The following TEKT3 variants were observed in gnomAD, a reference collection of about 807,000 sequenced individuals.
The protein encoded by TEKT3 is tektin 3.
A neutral mutation model predicts 49.8 loss-of-function variants in TEKT3; 49 were observed. The observed-to-expected ratio is 0.98, with a 90% confidence interval of 0.78 to 1.25. TEKT3 has a LOEUF of 1.25. Among genes scored for constraint, TEKT3 ranks in the 50% most tolerant of loss-of-function variants. TEKT3 has a pLI of 0.00. For missense variants in TEKT3, 595 were observed against 629.5 expected, an observed-to-expected ratio of 0.95 and a Z score of 0.59; for synonymous variants, 225 against 237.2, an observed-to-expected ratio of 0.95 and a Z score of 0.47.
At chr17:15,342,906 C>A (rs1340351642), upstream of TEKT3, among the ~76,000 whole-genome samples, 1 of 152,212 alleles carries the variant, frequency 6.6e-6, no homozygotes, top group Non-Finnish European at 1.5e-5. Context: ...TTTCTACATT[C>A]GGCCTAAGAA....
intron 2 of TEKT3, among the ~76,000 whole-genome samples, chr17:15,335,024 C>CA (rs1410643214): frequency 8.8e-6 from 1 of 114,082 alleles, no homozygotes; most frequent in African/African-American, 4.3e-5. Flanking sequence ...CCTCAGACAA[C>CA]AGGCATCATA....
chr17:15,321,575 C>T (rs116527841), intron 4 of TEKT3, among the ~76,000 whole-genome samples: 3 of 152,268 alleles, frequency 2.0e-5, no homozygotes, highest in Non-Finnish European at 2.9e-5. Flanking sequence ...AAAGCAGAAG[C>T]GTAGGAAGAG....
intron 2 of TEKT3, among the ~76,000 whole-genome samples, chr17:15,333,799 G>T (rs912116192): frequency 6.8e-6 from 1 of 146,478 alleles, no homozygotes; most frequent in Non-Finnish European, 1.5e-5. Flanking sequence ...TCGCTCTGTC[G>T]CCCAGGCTCC....
chr17:15,327,292 C>G (rs949250140), intron 4 of TEKT3, among the ~76,000 whole-genome samples: 1 of 151,700 alleles, frequency 6.6e-6, no homozygotes, highest in Non-Finnish European at 1.5e-5. Flanking sequence ...CTGAGGCAGG[C>G]AGATCATGAG....
upstream of TEKT3, chr17:15,341,786 G>T (rs1912243732): frequency 6.6e-6 from 1 of 152,380 alleles, no homozygotes; most frequent in Non-Finnish European, 1.5e-5. Flanking sequence ...CTCACGCTTA[G>T]TAACCGAGGC....
Position 15,304,015 on chromosome 17 carries a change from GA to G in TEKT3, c.1393del (p.Ser465ProfsTer10), listed in dbSNP as rs757709313. The G allele has an allele frequency of 2.5e-6, 4 of 1,614,028 alleles. No individual in the cohort carries two copies. In the African/African-American group the frequency reaches 5.3e-5, roughly 22 times the overall value. On this transcript the variant is annotated frameshift_variant, in exon 9 of 9. Coordinates refer to ENST00000395930, the MANE Select transcript of TEKT3 (RefSeq NM_031898.3). LOFTEE classifies it high-confidence loss of function. The surrounding 1 kb of genome is among the most constrained non-coding windows in gnomAD (Gnocchi z 4.7). ...GCATTTTTCCTGGTCGATGTACAGG[GA>G]ATTGGCTTTGACAGCCAGGTCATAC... ...LEYDLAVKAN[S>X]LYIDQEKCMS...
At chr17:15,320,567 GTTC>G (rs1911210145) in intron 4 of TEKT3, among the ~76,000 whole-genome samples, 1 of 152,100 alleles carries the variant, frequency 6.6e-6, no homozygotes, top group Middle Eastern at 3.2e-3. Context: ...CCTATGTATT[GTTC>G]TTCTTTTATT....
intron 2 of TEKT3, among the ~76,000 whole-genome samples, chr17:15,338,274 T>C (rs1325206273): frequency 6.6e-6 from 1 of 152,122 alleles, no homozygotes; most frequent in Non-Finnish European, 1.5e-5. Context: ...TAACCAAAAC[T>C]GATTAAAGAA....
intron 7 of TEKT3, among the ~76,000 whole-genome samples, chr17:15,311,632 T>A (rs1472377761): frequency 6.6e-6 from 1 of 152,198 alleles, no homozygotes; most frequent in Non-Finnish European, 1.5e-5. Flanking sequence ...TATGTACAAT[T>A]ATTTTTTGTC....
Position 15,312,465 on chromosome 17 carries a change from A to T in TEKT3, c.895T>A (p.Ser299Thr). 2 of 1,614,068 alleles carry T rather than the reference A, an allele frequency of 1.2e-6. No homozygotes were observed. Among genetic ancestry groups the T allele is most frequent in the South Asian group, 1.1e-5 (1 of 91,070 alleles). Reference sequence around the variant, plus strand: ...TTGTCATCTGTAAATTTGGCCCAGGACTCAGGCACTGAGACACTGAAAAAG... The same window carrying T: ...TTGTCATCTGTAAATTTGGCCCAGGTCTCAGGCACTGAGACACTGAAAAAG... ...RVDATVSVPE[S>T]WAKFTDDNIL... Residue 299 changes from serine to threonine, a missense_variant, in exon 7 of 9, where the codon TCC (serine) becomes ACC (threonine). Transcript: ENST00000395930.
intron 2 of TEKT3, among the ~76,000 whole-genome samples, chr17:15,332,669 G>T (rs1320902171): frequency 6.6e-6 from 1 of 152,136 alleles, no homozygotes; most frequent in Admixed American, 6.5e-5. Flanking sequence ...GAAATCCTAG[G>T]GAAGCCATGG....
chr17:15,307,676 A>T (rs992534263), intron 8 of TEKT3, among the ~76,000 whole-genome samples: 10 of 152,144 alleles, frequency 6.6e-5, no homozygotes, highest in African/African-American at 2.4e-4. Flanking sequence ...ATCCTTCAAG[A>T]TAAGAGAATT....
rs779467734 is a variant in TEKT3, at chr17:15,314,207, T to C, written c.758A>G (p.Glu253Gly). The change falls in exon 6 of 9, where the codon GAG becomes GGG. Residue 253 changes from glutamate to glycine, a missense_variant. Coordinates refer to ENST00000395930, the MANE Select transcript of TEKT3 (RefSeq NM_031898.3). The part of the protein sequence containing the change: ...QLAANRASQH[E>G]LEKDLSDKQT... ...TTTGTCACTCAGGTCCTTTTCCAGCTCATGCTGGGACGCTCTGTTGGCTCT... is the reference window on the plus strand; with the variant it reads ...TTTGTCACTCAGGTCCTTTTCCAGCCCATGCTGGGACGCTCTGTTGGCTCT... The C allele has an allele frequency of 1.1e-5, 18 of 1,614,068 alleles. No individual in the cohort carries two copies. The African/African-American group carries it at 2.4e-4, about 22-fold the overall frequency.
chr17:15,307,158 T>C lies in TEKT3; in HGVS notation c.1256+1506A>G, dbSNP rs186025582. On this transcript the variant is annotated intron_variant, in intron 8 of 8. Coordinates refer to ENST00000395930, the MANE Select transcript of TEKT3 (RefSeq NM_031898.3). Reference sequence around the variant, plus strand: ...CACGTAAGGTGTTTCATCATAATGATCTCCTCTGTGACCTTCAGTTTCATC... The same window carrying C: ...CACGTAAGGTGTTTCATCATAATGACCTCCTCTGTGACCTTCAGTTTCATC... Among the ~76,000 whole-genome samples, 192 of 152,346 alleles carry C rather than the reference T, an allele frequency of 1.3e-3. 1 individual carries two copies. Among genetic ancestry groups the C allele is most frequent in the Non-Finnish European group, 2.2e-3 (149 of 68,028 alleles).
Position 15,304,071 on chromosome 17 carries a change from C to A in TEKT3, c.1338G>T (p.Gln446His), listed in dbSNP as rs775031254. Residue 446 changes from glutamine to histidine, a missense_variant, in exon 9 of 9, where the codon CAG (glutamine) becomes CAT (histidine). Physicochemically the swap from Gln to His is conservative, Grantham distance 24 (BLOSUM62 0). Coordinates refer to ENST00000395930, the MANE Select transcript of TEKT3 (RefSeq NM_031898.3). The surrounding 1 kb of genome is among the most constrained non-coding windows in gnomAD (Gnocchi z 4.7). ...GTGTGGCTTTGATGTGGACCAGCGACTGCAGGGTGTCCTCTGCATCCCTCA... is the reference window on the plus strand; with the variant it reads ...GTGTGGCTTTGATGTGGACCAGCGAATGCAGGGTGTCCTCTGCATCCCTCA... The part of the protein sequence containing the change: ...QRLRDAEDTL[Q>H]SLVHIKATLE... 6.2e-7 allele frequency: 1 copy of A among 1,613,930 alleles called. No homozygotes were observed. Among genetic ancestry groups the A allele is most frequent in the Admixed American group, 1.7e-5 (1 of 60,030 alleles).
rs1351842365 is a variant in TEKT3, at chr17:15,323,717, T to C, written c.663+4275A>G. ...TAAAACATATGCCAATATCAATACC[T>C]TGAGTAAGCCACAGAATGCATTCAC... On this transcript the variant is annotated intron_variant, in intron 4 of 8. Transcript: ENST00000395930. Among the ~76,000 whole-genome samples the C allele has an allele frequency of 2.0e-5, 3 of 152,180 alleles. No individual in the cohort carries two copies. In the East Asian group the frequency reaches 5.8e-4, roughly 29 times the overall value.
At chr17:15,316,116 C>T (rs1910996060) in intron 5 of TEKT3, among the ~76,000 whole-genome samples, 2 of 152,202 alleles carry the variant, frequency 1.3e-5, no homozygotes, top group Non-Finnish European at 2.9e-5. Context: ...GGAAAAAGCT[C>T]CCTTCCCTTG....
chr17:15,327,869 G>A, intron 4 of TEKT3, 123 bp downstream of exon 4: 1 of 753,782 alleles, frequency 1.3e-6, no homozygotes, highest in Non-Finnish European at 2.3e-6. Flanking sequence ...AATGCTATCA[G>A]CATCTGATAC....
chr17:15,314,583 T>G (rs1910923709), intron 5 of TEKT3, among the ~76,000 whole-genome samples: 1 of 152,234 alleles, frequency 6.6e-6, no homozygotes, highest in Non-Finnish European at 1.5e-5. Flanking sequence ...CAAAGTAATC[T>G]GTCCACATCT....
Sources: gnomAD v4.1 joint callset for allele counts (sites outside exome capture counted in the v4.1 genomes callset) on GRCh38, gnomAD v4.1.1 for gene constraint, Gnocchi (gnomAD v3.1) non-coding constraint, MANE v1.5 for transcripts, NCBI Gene and HGNC (gene_info 2026-07-23, HGNC 2026-07-21) for gene names.